The following TMPRSS5 variants were observed in gnomAD, a reference collection of about 807,000 sequenced individuals.
TMPRSS5 encodes transmembrane serine protease 5.
Under a neutral mutation model 59.7 loss-of-function variants are expected in TMPRSS5, and 45 were observed. The observed-to-expected ratio is 0.75, with a 90% CI of 0.59 to 0.97. TMPRSS5 has a LOEUF of 0.97. Ranked by LOEUF, TMPRSS5 falls within the 50% of genes least tolerant of loss-of-function variation. TMPRSS5 has a pLI of 0.00. For missense variants in TMPRSS5, 585 were observed against 596.7 expected, an observed-to-expected ratio of 0.98 and a Z score of 0.20; for synonymous variants, 225 against 232.0, an observed-to-expected ratio of 0.97 and a Z score of 0.27.
intron 1 of TMPRSS5, among the ~76,000 whole-genome samples, chr11:113,702,620 G>A (rs891970143): frequency 6.6e-6 from 1 of 152,214 alleles, no homozygotes. Context: ...GACCCGCAGA[G>A]CAGTCCCTTC....
chr11:113,701,736 TTTATAGTTTCATATAAATG>T lies in TMPRSS5; in HGVS notation c.4-1587_4-1569del, dbSNP rs538791123. 8.7e-4 allele frequency among the ~76,000 whole-genome samples: 132 copies of T among 152,220 alleles called. 1 individual carries two copies. Among genetic ancestry groups the T allele is most frequent in the African/African-American group, 3.1e-3 (130 of 41,518 alleles). Reference sequence around the variant, plus strand: ...CTCACTGTATATTAGAGTTCCCTTTTTTATAGTTTCATATAAATGAAACCATGTGACATATAGTCTTTCT... The same window carrying T: ...CTCACTGTATATTAGAGTTCCCTTTTAAACCATGTGACATATAGTCTTTCT... On this transcript the variant is annotated intron_variant, in intron 1 of 12. Transcript: ENST00000299882.
At chr11:113,706,036 T>C (rs976574804) in intron 1 of TMPRSS5, among the ~76,000 whole-genome samples, 186 bp downstream of exon 1, 2 of 152,010 alleles carry the variant, frequency 1.3e-5, no homozygotes, top group African/African-American at 4.8e-5. Context: ...AAGAGGATAA[T>C]AAAGGGCAGT....
At chr11:113,700,559 G>A (rs903695148) in intron 1 of TMPRSS5, among the ~76,000 whole-genome samples, 6 of 152,096 alleles carry the variant, frequency 3.9e-5, no homozygotes, top group African/African-American at 1.4e-4. Flanking sequence ...AGAGGAAGAA[G>A]TGCCCCTCCA....
intron 7 of TMPRSS5, 104 bp downstream of exon 7, chr11:113,695,296 C>T (rs1353911749): frequency 3.1e-6 from 4 of 1,303,804 alleles, no homozygotes; most frequent in East Asian, 2.4e-5. Flanking sequence ...AAGACCCCTA[C>T]CCCAGGCCCA....
chr11:113,695,879 C>A (rs994445902), intron 6 of TMPRSS5, among the ~76,000 whole-genome samples: 23 of 152,270 alleles, frequency 1.5e-4, no homozygotes, highest in African/African-American at 4.1e-4. Context: ...CCACCCTGGT[C>A]CCTCTGCCTG....
chr11:113,689,640 T>C, intron 12 of TMPRSS5, 125 bp downstream of exon 12: 1 of 988,582 alleles, frequency 1.0e-6, no homozygotes, highest in African/African-American at 1.6e-5. Context: ...CCACTCACTC[T>C]GGGGAATATG....
At chr11:113,690,645 G>A (rs1952749881) in intron 10 of TMPRSS5, among the ~76,000 whole-genome samples, 196 bp downstream of exon 10, 1 of 152,092 alleles carries the variant, frequency 6.6e-6, no homozygotes, top group African/African-American at 2.4e-5. Context: ...TGGGTTTAGG[G>A]AAAACTTGCA....
At chr11:113,697,793 G>T (rs1358095390) in intron 4 of TMPRSS5, among the ~76,000 whole-genome samples, 1 of 152,158 alleles carries the variant, frequency 6.6e-6, no homozygotes, top group Non-Finnish European at 1.5e-5. Flanking sequence ...CTTAGATCCA[G>T]GTCTTCTGAT....
chr11:113,694,976 C>T (rs1007052818), intron 7 of TMPRSS5, among the ~76,000 whole-genome samples: 13 of 152,124 alleles, frequency 8.5e-5, no homozygotes, highest in Admixed American at 6.5e-5. Context: ...GGTAGATGAA[C>T]GGGAAGACCA....
intron 4 of TMPRSS5, among the ~76,000 whole-genome samples, chr11:113,697,735 T>G (rs1952970492): frequency 6.6e-6 from 1 of 152,232 alleles, no homozygotes; most frequent in East Asian, 1.9e-4. Context: ...GCATGGAGTT[T>G]AAGCAACTTC....
At chr11:113,699,149 G>A in intron 3 of TMPRSS5, 122 bp from the exon 4 acceptor site, 1 of 1,007,196 alleles carries the variant, frequency 9.9e-7, no homozygotes, top group Non-Finnish European at 1.5e-6. Context: ...GAGGGGCATA[G>A]CGCTCCATCT....
intron 10 of TMPRSS5, 123 bp downstream of exon 10, chr11:113,690,718 G>T: frequency 2.1e-6 from 2 of 944,814 alleles, no homozygotes; most frequent in African/African-American, 1.6e-5. Flanking sequence ...CTGACCAAGG[G>T]TGATGCCAGG....
rs1261837877 is a variant in TMPRSS5 at position 113,700,871 on chromosome 11, G to C, written c.4-703C>G. On this transcript the variant is annotated intron_variant, in intron 1 of 12. Coordinates refer to ENST00000299882, the MANE Select transcript of TMPRSS5 (RefSeq NM_030770.4). ...CCCCATATGTTCGGGTAGGGACCTTGTGGGAGGTGATTAAATCATGGGGCT... is the reference window on the plus strand; with the variant it reads ...CCCCATATGTTCGGGTAGGGACCTTCTGGGAGGTGATTAAATCATGGGGCT... Among the ~76,000 whole-genome samples the C allele has an allele frequency of 2.0e-5, 3 of 152,346 alleles. No homozygotes were observed. In the East Asian group the frequency reaches 5.8e-4, roughly 29 times the overall value.
At chr11:113,700,217 TGA>T (rs1426051842) in intron 1 of TMPRSS5, 49 bp from the exon 2 acceptor site, 1 of 1,451,472 alleles carries the variant, frequency 6.9e-7, no homozygotes. Context: ...CAAGGACTGC[TGA>T]GAGAAGTCAC....
chr11:113,697,001 G>A (rs187136150), intron 5 of TMPRSS5, 30 bp from the exon 6 acceptor site: 223 of 1,492,668 alleles, frequency 1.5e-4, no homozygotes, highest in Admixed American at 4.3e-4. Context: ...AGAACAGGAG[G>A]AAATCATAAC....
At chr11:113,692,118 C>T (rs1403956139) in intron 9 of TMPRSS5, among the ~76,000 whole-genome samples, 2 of 152,118 alleles carry the variant, frequency 1.3e-5, no homozygotes, top group African/African-American at 4.8e-5. Flanking sequence ...GAACTCCTGA[C>T]CTCAAATGAT....
intron 9 of TMPRSS5, 66 bp downstream of exon 9, chr11:113,693,005 C>A: frequency 9.6e-5 from 107 of 1,116,012 alleles, no homozygotes; most frequent in Non-Finnish European, 1.2e-4. Flanking sequence ...TCACCACTCT[C>A]CCACCCAGCC....
intron 9 of TMPRSS5, 187 bp from the exon 10 acceptor site, chr11:113,691,126 C>T (rs1591373330): frequency 5.1e-6 from 3 of 589,590 alleles, no homozygotes; most frequent in East Asian, 5.8e-5. Context: ...TCTTTGGGGT[C>T]CCCTGTCACA....
intron 1 of TMPRSS5, among the ~76,000 whole-genome samples, chr11:113,703,539 G>T (rs995140889): frequency 2.0e-5 from 3 of 152,198 alleles, no homozygotes; most frequent in Admixed American, 2.0e-4. Flanking sequence ...GTTTTGAAAT[G>T]AGGACATGAG....
Sources: allele counts gnomAD v4.1 joint callset (sites outside exome capture counted in the v4.1 genomes callset), GRCh38; gene constraint gnomAD v4.1.1; transcripts MANE v1.5; gene names NCBI Gene and HGNC (gene_info 2026-07-23, HGNC 2026-07-21).